ZNF892: variants seen among roughly 807,000 people sequenced by gnomAD.
The protein encoded by ZNF892 is zinc finger protein 570-like.
chr2:95,218,240 T>C, the ZNF892 span, among the ~76,000 whole-genome samples: 2 of 152,248 alleles, frequency 1.3e-5, no homozygotes, highest in Non-Finnish European at 2.9e-5. Flanking sequence ...CAAATCTCTT[T>C]AATTGTGCTT....
the ZNF892 span, among the ~76,000 whole-genome samples, chr2:95,260,615 C>A: frequency 0.034 from 5,178 of 152,256 alleles, 142 homozygotes; most frequent in Middle Eastern, 0.092. Context: ...TCCATGGAAA[C>A]CTTGACAACA....
At chr2:95,261,282 AC>A in the ZNF892 span, among the ~76,000 whole-genome samples, 1 of 145,826 alleles carries the variant, frequency 6.9e-6, no homozygotes, top group African/African-American at 2.5e-5. Flanking sequence ...TTTGTCAAAG[AC>A]CCTTACACAA....
At chr2:95,262,677 G>C in the ZNF892 span, among the ~76,000 whole-genome samples, 5 of 152,162 alleles carry the variant, frequency 3.3e-5, no homozygotes, top group African/African-American at 1.2e-4. Context: ...AAGGAGCAGG[G>C]GTTGTTGACA....
chr2:95,249,385 C>T, the ZNF892 span, among the ~76,000 whole-genome samples: 6 of 148,290 alleles, frequency 4.0e-5, no homozygotes, highest in African/African-American at 9.8e-5. Context: ...GGATTACAGG[C>T]GCCCGCCACC....
chr2:95,252,988 C>T, the ZNF892 span, among the ~76,000 whole-genome samples: 1 of 151,930 alleles, frequency 6.6e-6, no homozygotes, highest in African/African-American at 2.4e-5. Flanking sequence ...GGATATTAGC[C>T]CTTTGTCAGA....
At chr2:95,255,301 A>C in the ZNF892 span, among the ~76,000 whole-genome samples, 2 of 152,188 alleles carry the variant, frequency 1.3e-5, no homozygotes, top group Non-Finnish European at 2.9e-5. Flanking sequence ...TTGGTTTCAA[A>C]GAACATCTTT....
At chr2:95,218,651 T>A in the ZNF892 span, among the ~76,000 whole-genome samples, 1 of 152,170 alleles carries the variant, frequency 6.6e-6, no homozygotes, top group African/African-American at 2.4e-5. Flanking sequence ...AATCTCAATC[T>A]GCTTGGTCTG....
chr2:95,255,265 T>C, the ZNF892 span, among the ~76,000 whole-genome samples: 4 of 152,246 alleles, frequency 2.6e-5, no homozygotes, highest in East Asian at 7.7e-4. Context: ...TCCCATAGAT[T>C]CTGGTATGTT....
chr2:95,261,419 T>G, the ZNF892 span, among the ~76,000 whole-genome samples: 4 of 151,940 alleles, frequency 2.6e-5, no homozygotes, highest in African/African-American at 9.7e-5. Context: ...CTCAGCCTCT[T>G]GAGTAGCTGG....
the ZNF892 span, among the ~76,000 whole-genome samples, chr2:95,227,575 G>C: frequency 6.6e-6 from 1 of 151,458 alleles, no homozygotes; most frequent in Non-Finnish European, 1.5e-5. Context: ...ACCTGCTTCA[G>C]CCTCCCAAAG....
the ZNF892 span, among the ~76,000 whole-genome samples, chr2:95,245,607 A>T: frequency 8.8e-5 from 13 of 148,112 alleles, no homozygotes; most frequent in Non-Finnish European, 1.6e-4. Flanking sequence ...AAAATTAATA[A>T]AATAGGCTAC....
the ZNF892 span, among the ~76,000 whole-genome samples, chr2:95,229,645 G>A: frequency 1.3e-5 from 2 of 152,118 alleles, no homozygotes; most frequent in Non-Finnish European, 2.9e-5. Flanking sequence ...CTTTTTCACT[G>A]ATGGTGTGGT....
the ZNF892 span, among the ~76,000 whole-genome samples, chr2:95,217,014 C>G: frequency 6.6e-6 from 1 of 152,256 alleles, no homozygotes; most frequent in African/African-American, 2.4e-5. Context: ...ATATGTATTT[C>G]TAACAGTTCT....
the ZNF892 span, among the ~76,000 whole-genome samples, chr2:95,234,083 G>A: frequency 1.2e-4 from 18 of 152,232 alleles, no homozygotes; most frequent in Middle Eastern, 3.4e-3. Context: ...GAGTGCAGGC[G>A]CGATCTCGGC....
the ZNF892 span, among the ~76,000 whole-genome samples, chr2:95,245,461 G>GCA: frequency 2.9e-3 from 34 of 11,590 alleles, 2 homozygotes; most frequent in African/African-American, 0.013. Context: ...GGGGGGGGGG[G>GCA]GGTTTCACCA....
At chr2:95,248,338 G>A in the ZNF892 span, among the ~76,000 whole-genome samples, 1 of 152,144 alleles carries the variant, frequency 6.6e-6, no homozygotes, top group Non-Finnish European at 1.5e-5. Flanking sequence ...CTACTAGAGG[G>A]AGGAGTAAGT....
chr2:95,228,998 C>T, the ZNF892 span, among the ~76,000 whole-genome samples: 1 of 152,194 alleles, frequency 6.6e-6, no homozygotes, highest in African/African-American at 2.4e-5. Context: ...GAACCTCCCT[C>T]CCCACTTGCA....
chr2:95,240,356 A>C, the ZNF892 span, among the ~76,000 whole-genome samples: 1 of 152,238 alleles, frequency 6.6e-6, no homozygotes, highest in African/African-American at 2.4e-5. Flanking sequence ...GCACAGAGCC[A>C]AAGGAACCCC....
At chr2:95,260,762 A>G in the ZNF892 span, among the ~76,000 whole-genome samples, 1 of 152,270 alleles carries the variant, frequency 6.6e-6, no homozygotes, top group East Asian at 1.9e-4. Context: ...GCCCTGCCTC[A>G]TCTGCAAGAA....
Sources: allele counts gnomAD v4.1 joint callset (sites outside exome capture counted in the v4.1 genomes callset), GRCh38; gene constraint gnomAD v4.1.1; transcripts MANE v1.5; gene names NCBI Gene and HGNC (gene_info 2026-07-23, HGNC 2026-07-21).